Variants in SLC6A2 observed in about 807,000 individuals in gnomAD.
SLC6A2 encodes solute carrier family 6 member 2, also known as sodium-dependent noradrenaline transporter.
SLC6A2 carries 26 observed loss-of-function variants against 71.7 expected under a neutral mutation model. That is an observed-to-expected ratio of 0.36 (90% CI 0.27 to 0.50). The LOEUF (loss-of-function observed/expected upper bound fraction) is 0.50, where lower values mean the gene tolerates loss of function less well. SLC6A2 is among the 20% of genes least tolerant of loss of function. The pLI is 0.96. For synonymous variants in SLC6A2, 363 were observed against 337.9 expected (o/e 1.07, Z -0.82); for missense variants, 581 against 803.9 (o/e 0.72, Z 3.35).
In SLC6A2 at chr16:55,692,066, G is replaced by C. The variant is rs1241414133; in HGVS notation, c.918+14G>C. On this transcript the variant is annotated intron_variant, in intron 6 of 14. Coordinates refer to ENST00000568943, the MANE Select transcript of SLC6A2 (RefSeq NM_001172501.3). ...AAAGAGGCCACGGTCAGTGCTCAGT[G>C]ACCACCAAGCCTTGGGCCAGGCTTG... 6.2e-7 allele frequency: 1 copy of C among 1,614,090 alleles called. No homozygotes were observed. The highest frequency in any genetic ancestry group is 1.7e-5 in the Admixed American group (1 of 60,030).
Position 55,685,285 on chromosome 16 carries a change from A to C in SLC6A2, c.783+4A>C. ...AGGGGTGAAGACATCAGGAAAGGTA[A>C]TATCTCTGTGTTTCTCTTTCACTTA... On this transcript the variant is annotated splice_donor_region_variant and intron_variant, in intron 5 of 14. Transcript: ENST00000568943. 6.2e-7 allele frequency: 1 copy of C among 1,613,878 alleles called. No homozygotes were observed. Among genetic ancestry groups the C allele is most frequent in the Admixed American group, 1.7e-5 (1 of 60,024 alleles).
chr16:55,693,634 C>T (rs560730629), intron 6 of SLC6A2, among the ~76,000 whole-genome samples: 2 of 152,370 alleles, frequency 1.3e-5, no homozygotes, highest in Admixed American at 1.3e-4. Flanking sequence ...TCCTCGCTTT[C>T]TGAAAATGCC....
chr16:55,666,861 G>C (rs1240268076), intron 2 of SLC6A2, among the ~76,000 whole-genome samples: 2 of 152,168 alleles, frequency 1.3e-5, no homozygotes, highest in East Asian at 3.9e-4. Context: ...GAGTCGCTGG[G>C]GGCAACCCAC....
rs1456789896 is a variant in SLC6A2 at position 55,701,737 on chromosome 16, C to A, written c.1759-126C>A. ...AAGCTGGAGGTGTCTTGTACAGACC[C>A]CAAATGCTATCCATGTGGGGCTGCA... On this transcript the variant is annotated intron_variant, in intron 13 of 14. Transcript: ENST00000568943. The A allele has an allele frequency of 1.3e-5, 10 of 769,450 alleles. No individual in the cohort carries two copies. The African/African-American group carries it at 1.7e-4, about 13-fold the overall frequency. 47.7% of individuals were successfully genotyped at this position (769,450 alleles called of 1,614,324 possible).
chr16:55,667,738 A>T lies in SLC6A2; in HGVS notation c.275-1827A>T, dbSNP rs1337775372. Among the ~76,000 whole-genome samples, 4 of 152,196 alleles carry T rather than the reference A, an allele frequency of 2.6e-5. No individual in the cohort carries two copies. The East Asian group carries it at 5.8e-4, about 22-fold the overall frequency. On this transcript the variant is annotated intron_variant, in intron 2 of 14. Transcript: ENST00000568943. ...CTATGACCAATAGACCACATGGCTTAGCTGGTCCCAGATCCCCCATTTCAG... is the reference window on the plus strand; with the variant it reads ...CTATGACCAATAGACCACATGGCTTTGCTGGTCCCAGATCCCCCATTTCAG...
At chr16:55,694,239 C>A (rs1377438096) in intron 7 of SLC6A2, 126 bp downstream of exon 7, 2 of 731,988 alleles carry the variant, frequency 2.7e-6, no homozygotes, top group Non-Finnish European at 5.0e-6. Flanking sequence ...TCTTGTGAAC[C>A]ATCCTGGGCA....
chr16:55,698,616 C>G (rs780931440), intron 11 of SLC6A2, 48 bp downstream of exon 11: 6 of 1,339,452 alleles, frequency 4.5e-6, no homozygotes, highest in Non-Finnish European at 3.2e-6. Context: ...TCCTAGAATC[C>G]TGCACCTGGA....
chr16:55,703,375 T>C lies in SLC6A2; in HGVS notation c.*1029T>C. On this transcript the variant is annotated 3_prime_UTR_variant, in exon 15 of 15. Coordinates refer to ENST00000568943, the MANE Select transcript of SLC6A2 (RefSeq NM_001172501.3). ...ACAGCCTCCCTCTGGGGATCCCACC[T>C]GGAGTGGACCAGGGGTCTTGAGAAA... The C allele has an allele frequency of 8.1e-6, 8 of 985,442 alleles. No homozygotes were observed. Among genetic ancestry groups the C allele is most frequent in the Non-Finnish European group, 9.6e-6 (8 of 829,942 alleles). The allele number at this position is 985,442 out of a possible 1,614,324, so 61.0% of individuals were successfully genotyped here. A position where few individuals can be genotyped will look rare whatever the true frequency, so the allele number is the denominator to read the frequency against.
chr16:55,676,625 C>A (rs565189146), intron 4 of SLC6A2, among the ~76,000 whole-genome samples: 1 of 152,328 alleles, frequency 6.6e-6, no homozygotes, highest in South Asian at 2.1e-4. Flanking sequence ...ATGTTGGCCT[C>A]TACCCATTAT....
intron 5 of SLC6A2, among the ~76,000 whole-genome samples, chr16:55,688,542 A>C (rs1439112537): frequency 6.6e-6 from 1 of 152,210 alleles, no homozygotes; most frequent in Non-Finnish European, 1.5e-5. Context: ...TCTGTTTTCA[A>C]GTCAACCTTA....
At chr16:55,679,315 C>G (rs1265402847) in intron 4 of SLC6A2, among the ~76,000 whole-genome samples, 1 of 152,042 alleles carries the variant, frequency 6.6e-6, no homozygotes, top group Non-Finnish European at 1.5e-5. Context: ...CAATCTCCAC[C>G]TCCCAGGTTC....
Position 55,700,288 on chromosome 16 carries a change from G to A in SLC6A2, c.1740G>A (p.Thr580=), listed in dbSNP as rs369020982. 159 of 1,613,428 alleles carry A rather than the reference G, an allele frequency of 9.9e-5. No homozygotes were observed. Among genetic ancestry groups the A allele is most frequent in the Admixed American group, 2.5e-4 (15 of 59,986 alleles). The change falls in exon 13 of 15, where the codon ACG becomes ACA. Residue 580 remains threonine, a synonymous_variant. Transcript: ENST00000568943. ...ACGTCATCTATAAGTTCCTCAGCAC[G>A]CAGGGCTCTCTTTGGGAGGTGAGCT... is the stretch of plus-strand genomic sequence containing the variant. ...PIYVIYKFLS[T]QGSLWERLAY... is the part of the protein sequence containing the mutation.
intron 4 of SLC6A2, among the ~76,000 whole-genome samples, chr16:55,683,078 T>C (rs1965329020): frequency 6.6e-6 from 1 of 152,200 alleles, no homozygotes; most frequent in Non-Finnish European, 1.5e-5. Context: ...TTCCCATTTC[T>C]GCTTGCTTTG....
At chr16:55,676,003 G>C (rs1176753261) in intron 4 of SLC6A2, among the ~76,000 whole-genome samples, 1 of 152,156 alleles carries the variant, frequency 6.6e-6, no homozygotes, top group Non-Finnish European at 1.5e-5. Flanking sequence ...GCTCAGGGGA[G>C]TCAGTGTTCT....
rs1252643888 is a variant in SLC6A2 at position 55,671,741 on chromosome 16, C to T, written c.407-197C>T. The T allele has an allele frequency of 5.0e-6, 6 of 1,205,456 alleles. No homozygotes were observed. In the African/African-American group the frequency reaches 9.2e-5, roughly 18 times the overall value. 74.7% of individuals were successfully genotyped at this position (1,205,456 alleles called of 1,614,324 possible). A position where few individuals can be genotyped will look rare whatever the true frequency, so the allele number is the denominator to read the frequency against. On this transcript the variant is annotated intron_variant, in intron 3 of 14. Coordinates refer to ENST00000568943, the MANE Select transcript of SLC6A2 (RefSeq NM_001172501.3). ...GAGGTGGAACGGTTTCATCTTGAAA[C>T]TACCCCCACCCCAAAATCTGTGGAA...
At position 55,695,408 on chromosome 16, in the gene SLC6A2, TG is replaced by T. The variant is rs1263951002; in HGVS notation, c.1147+9del. 1 of 1,614,030 alleles carries T rather than the reference TG, an allele frequency of 6.2e-7. No homozygotes were observed. The highest frequency in any genetic ancestry group is 1.1e-5 in the South Asian group (1 of 91,084). On this transcript the variant is annotated splice_region_variant and intron_variant, in intron 8 of 14. Coordinates refer to ENST00000568943, the MANE Select transcript of SLC6A2 (RefSeq NM_001172501.3). ...TGAGGATGTGGCCACAGAAGGTGGG[TG>T]GGCAGCCCACCTGGGCCCCAGCCCA...
At chr16:55,701,263 T>G (rs949650368) in intron 13 of SLC6A2, among the ~76,000 whole-genome samples, 2 of 152,158 alleles carry the variant, frequency 1.3e-5, no homozygotes, top group Non-Finnish European at 1.5e-5. Context: ...TTCCTGTCTG[T>G]GAAATCCCTA....
intron 4 of SLC6A2, 44 bp downstream of exon 4, chr16:55,672,219 T>G: frequency 6.2e-7 from 1 of 1,614,104 alleles, no homozygotes; most frequent in Non-Finnish European, 8.5e-7. Context: ...AGGCCAGTGC[T>G]TGGTATGACC....
rs763365563 is a variant in SLC6A2, at chr16:55,703,864, G to A, written c.*1518G>A. Reference sequence around the variant, plus strand: ...ATGAAGAGGATTATGAGGGGACCAGGGTGGGGCAGGGAGATGGTTTTGTCT... The same window carrying A: ...ATGAAGAGGATTATGAGGGGACCAGAGTGGGGCAGGGAGATGGTTTTGTCT... On this transcript the variant is annotated 3_prime_UTR_variant, in exon 15 of 15. Transcript: ENST00000568943. 35 of 953,540 alleles carry A rather than the reference G, an allele frequency of 3.7e-5. No individual in the cohort carries two copies. Among genetic ancestry groups the A allele is most frequent in the Non-Finnish European group, 4.4e-5 (35 of 801,062 alleles). 59.1% of individuals were successfully genotyped at this position (953,540 alleles called of 1,614,324 possible).
Sources: gnomAD v4.1 joint callset for allele counts (sites outside exome capture counted in the v4.1 genomes callset) on GRCh38, gnomAD v4.1.1 for gene constraint, MANE v1.5 for transcripts, NCBI Gene and HGNC (gene_info 2026-07-23, HGNC 2026-07-21) for gene names.